TRDMT1: variants seen among roughly 807,000 people sequenced by gnomAD.
The protein encoded by TRDMT1 is tRNA aspartic acid methyltransferase 1, also known as tRNA (cytosine(38)-C(5))-methyltransferase.
TRDMT1 carries 49 observed loss-of-function variants against 51.2 expected under a neutral mutation model. The ratio of observed to expected loss-of-function variants is 0.96; its 90% CI spans 0.76 to 1.21. TRDMT1 has a LOEUF of 1.21. TRDMT1 is among the 50% of genes most tolerant of loss of function. The probability of loss-of-function intolerance (pLI) is 0.00; values close to 1 mark genes in which losing one functional copy is unlikely to be tolerated. For missense variants in TRDMT1, 534 were observed against 462.3 expected, an observed-to-expected ratio of 1.16 and a Z score of -1.42; for synonymous variants, 187 against 164.6, an observed-to-expected ratio of 1.14 and a Z score of -1.04.
chr10:17,159,785 T>G (rs1289559280), intron 6 of TRDMT1, among the ~76,000 whole-genome samples: 1 of 151,984 alleles, frequency 6.6e-6, no homozygotes, highest in Non-Finnish European at 1.5e-5. Context: ...ACAAGAACAA[T>G]AACAAAAAGC....
At chr10:17,201,175 A>G (rs548439445) in intron 1 of TRDMT1, 18 of 185,822 alleles carry the variant, frequency 9.7e-5, no homozygotes, top group Admixed American at 5.0e-4. Flanking sequence ...CTCCCTCCCC[A>G]GCTGGGAAGC....
chr10:17,148,203 C>A lies in TRDMT1; in HGVS notation c.*837G>T, dbSNP rs1178727130. The A allele has an allele frequency of 1.0e-6, 1 of 985,188 alleles. No homozygotes were observed. Among genetic ancestry groups the A allele is most frequent in the African/African-American group, 1.7e-5 (1 of 57,200 alleles). 61.0% of individuals were successfully genotyped at this position (985,188 alleles called of 1,614,324 possible). On this transcript the variant is annotated 3_prime_UTR_variant, in exon 11 of 11. Coordinates refer to ENST00000377799, the MANE Select transcript of TRDMT1 (RefSeq NM_004412.7). ...GAGTGTATGTTGCTACAATAAAGAA[C>A]AACTGGGGGGAGGGGAGTACTGTCA...
At chr10:17,174,700 T>C (rs763296880) in intron 1 of TRDMT1, 40 bp from the exon 2 acceptor site, 1 of 1,416,102 alleles carries the variant, frequency 7.1e-7, no homozygotes, top group South Asian at 1.2e-5. Context: ...GAAAAGTCCT[T>C]AAGTTCATTA....
chr10:17,157,397 C>T (rs770140446), intron 8 of TRDMT1, 44 bp downstream of exon 8: 3 of 1,456,962 alleles, frequency 2.1e-6, no homozygotes, highest in Non-Finnish European at 2.8e-6. Flanking sequence ...CTTTAAAAAA[C>T]CTGGTTATTT....
At chr10:17,201,380 G>A (rs902294567) in intron 1 of TRDMT1, 191 bp downstream of exon 1, 1 of 540,604 alleles carries the variant, frequency 1.8e-6, no homozygotes, top group East Asian at 3.5e-5. Context: ...GCCAGGAGAA[G>A]GGAGTCAGCG....
chr10:17,143,193 A>G lies in TRDMT1; in HGVS notation c.*5847T>C. The G allele has an allele frequency of 1.0e-6, 1 of 985,430 alleles. No homozygotes were observed. Among genetic ancestry groups the G allele is most frequent in the Non-Finnish European group, 1.2e-6 (1 of 829,944 alleles). The allele number at this position is 985,430 out of a possible 1,614,324, so 61.0% of individuals were successfully genotyped here. ...CTCCACAGTGTGGTGCTTTCTATGT[A>G]GCTTCAATATTGATTCCAGTATGGT... On this transcript the variant is annotated 3_prime_UTR_variant, in exon 11 of 11. Transcript: ENST00000377799.
chr10:17,196,502 A>G (rs1031759857), intron 1 of TRDMT1, among the ~76,000 whole-genome samples: 7 of 152,224 alleles, frequency 4.6e-5, no homozygotes, highest in Non-Finnish European at 7.3e-5. Flanking sequence ...CTGTGACACT[A>G]CTTCTTCCAC....
At chr10:17,157,822 G>A (rs372500182) in intron 7 of TRDMT1, 38 bp from the exon 8 acceptor site, 18 of 1,455,518 alleles carry the variant, frequency 1.2e-5, no homozygotes, top group Admixed American at 4.6e-5. Flanking sequence ...GTCAAAAGTT[G>A]CATTAAAAAT....
At position 17,141,043 on chromosome 10, in the gene TRDMT1, A is replaced by G. The variant is rs1837639810; in HGVS notation, c.*7997T>C. Among the ~76,000 whole-genome samples the G allele has an allele frequency of 6.6e-6, 1 of 152,256 alleles. No homozygotes were observed. The highest frequency in any genetic ancestry group is 1.5e-5 in the Non-Finnish European group (1 of 68,046). ...GAAGGATAGTTTGGCTAGATATAGA[A>G]TTCATAGTTGACAATGCCACCTCCT... On this transcript the variant is annotated 3_prime_UTR_variant, in exon 11 of 11. Coordinates refer to ENST00000377799, the MANE Select transcript of TRDMT1 (RefSeq NM_004412.7).
In TRDMT1 at chr10:17,145,738, CTTAAG is replaced by C. The variant is rs1838048832; in HGVS notation, c.*3297_*3301del. The stretch of plus-strand genomic sequence containing the variant: ...TTTAGAAACCGCTTGTTTCTAAACT[CTTAAG>C]TTATCAAAGCAAAAGAGCAACCAGA... On this transcript the variant is annotated 3_prime_UTR_variant, in exon 11 of 11. Transcript: ENST00000377799. 9 of 985,274 alleles carry C rather than the reference CTTAAG, an allele frequency of 9.1e-6. No individual in the cohort carries two copies. The South Asian group carries it at 3.8e-4, about 41-fold the overall frequency. 61.0% of individuals were successfully genotyped at this position (985,274 alleles called of 1,614,324 possible). A position where few individuals can be genotyped will look rare whatever the true frequency, so the allele number is the denominator to read the frequency against.
chr10:17,163,055 T>C (rs1328940005), intron 3 of TRDMT1, among the ~76,000 whole-genome samples: 1 of 152,098 alleles, frequency 6.6e-6, no homozygotes, highest in African/African-American at 2.4e-5. Context: ...TGGTGGCCAA[T>C]CTAAGCCAAT....
chr10:17,149,419 A>G (rs1012241715), intron 10 of TRDMT1, among the ~76,000 whole-genome samples: 2 of 152,168 alleles, frequency 1.3e-5, no homozygotes, highest in African/African-American at 4.8e-5. Context: ...TGCATGTATT[A>G]GTGCACTTTT....
chr10:17,159,218 T>G lies in TRDMT1; in HGVS notation c.471A>C (p.Pro157=). Residue 157 remains proline, a synonymous_variant, in exon 7 of 11, where the codon CCA becomes CCC. Coordinates refer to ENST00000377799, the MANE Select transcript of TRDMT1 (RefSeq NM_004412.7). ...TAAGAAAATATCGTAGCCTTGAATT[T>G]GGAATGCCAAGCTGTAAGCAAAGCA... ...FLLSPTSLGI[P]NSRLRYFLIA... The G allele has an allele frequency of 6.2e-7, 1 of 1,601,988 alleles. No individual in the cohort carries two copies. The highest frequency in any genetic ancestry group is 8.5e-7 in the Non-Finnish European group (1 of 1,173,746).
At chr10:17,154,806 G>A in intron 8 of TRDMT1, 72 bp from the exon 9 acceptor site, 2 of 1,300,234 alleles carry the variant, frequency 1.5e-6, no homozygotes, top group East Asian at 2.4e-5. Context: ...AATATTTATT[G>A]AATGAATTAA....
At chr10:17,160,449 G>A in intron 5 of TRDMT1, 75 bp from the exon 6 acceptor site, 2 of 1,032,656 alleles carry the variant, frequency 1.9e-6, no homozygotes, top group Non-Finnish European at 2.7e-6. Context: ...CACAAAAGCT[G>A]GGTTTCTTTT....
chr10:17,189,835 G>C (rs1340651389), intron 1 of TRDMT1, among the ~76,000 whole-genome samples: 3 of 152,136 alleles, frequency 2.0e-5, no homozygotes, highest in Admixed American at 2.0e-4. Flanking sequence ...ATCTGCCAAA[G>C]TCTATGGGGT....
intron 10 of TRDMT1, chr10:17,153,247 T>G: frequency 2.1e-6 from 1 of 483,454 alleles, no homozygotes; most frequent in Non-Finnish European, 3.6e-6. Context: ...AGGCAAGGAG[T>G]TGCCAATGTG....
chr10:17,150,658 A>C (rs566895000), intron 10 of TRDMT1: 1 of 985,064 alleles, frequency 1.0e-6, no homozygotes, highest in Admixed American at 6.2e-5. Flanking sequence ...AGGAGCATTA[A>C]GAATAGCAAA....
At chr10:17,178,778 A>G (rs1418801607) in intron 1 of TRDMT1, among the ~76,000 whole-genome samples, 1 of 152,146 alleles carries the variant, frequency 6.6e-6, no homozygotes, top group African/African-American at 2.4e-5. Context: ...TCAAAGATCC[A>G]GTTTCCTTAG....
Sources: gnomAD v4.1 joint callset for allele counts (sites outside exome capture counted in the v4.1 genomes callset) on GRCh38, gnomAD v4.1.1 for gene constraint, MANE v1.5 for transcripts, NCBI Gene and HGNC (gene_info 2026-07-23, HGNC 2026-07-21) for gene names.